VWF: variants seen among roughly 807,000 people sequenced by gnomAD.
The protein encoded by VWF is Factor VIII related antigen.
VWF carries 176 observed loss-of-function variants against 308.6 expected under a neutral mutation model. The observed-to-expected ratio is 0.57, with a 90% CI of 0.50 to 0.65. VWF has a LOEUF of 0.65. Among genes scored for constraint, VWF ranks in the 30% least tolerant of loss-of-function variants. The pLI, the probability that VWF is intolerant of heterozygous loss-of-function variation, is 0.00. For synonymous variants in VWF, 1,385 were observed against 1,443.4 expected (o/e 0.96, Z 0.92); for missense variants, 3,146 against 3,648.2 (o/e 0.86, Z 3.55).
At chr12:6,056,822 CG>C in intron 15 of VWF, 34 bp downstream of exon 15, 7 of 1,345,814 alleles carry the variant, frequency 5.2e-6, no homozygotes, top group Non-Finnish European at 6.6e-6. Context: ...ATTTGGGGGG[CG>C]GCCCGGAGGG....
chr12:5,969,112 C>T (rs1943438964), intron 45 of VWF, 99 bp downstream of exon 45: 1 of 1,403,446 alleles, frequency 7.1e-7, no homozygotes, highest in Non-Finnish European at 9.8e-7. Flanking sequence ...ATCCATTTCC[C>T]TAAGTTGCTA....
intron 3 of VWF, among the ~76,000 whole-genome samples, chr12:6,115,704 C>T (rs1945356278): frequency 6.6e-6 from 1 of 152,226 alleles, no homozygotes; most frequent in South Asian, 2.1e-4. Flanking sequence ...GATTTCTCCA[C>T]TGCATTACTA....
At chr12:5,978,144 T>C (rs2136365862) in intron 42 of VWF, among the ~76,000 whole-genome samples, 1 of 148,892 alleles carries the variant, frequency 6.7e-6, no homozygotes, top group Non-Finnish European at 1.5e-5. Flanking sequence ...TTATATGATA[T>C]ATTACATCAT....
intron 6 of VWF, among the ~76,000 whole-genome samples, chr12:6,090,862 A>C (rs1945026743): frequency 6.6e-6 from 1 of 152,194 alleles, no homozygotes; most frequent in African/African-American, 2.4e-5. Flanking sequence ...GCTCACGCCG[A>C]GGCCCAGGGT....
At chr12:6,010,216 T>C (rs1943978200) in intron 34 of VWF, among the ~76,000 whole-genome samples, 1 of 152,126 alleles carries the variant, frequency 6.6e-6, no homozygotes, top group Non-Finnish European at 1.5e-5. Context: ...ATTAAACATA[T>C]GATAAAATGT....
intron 18 of VWF, among the ~76,000 whole-genome samples, chr12:6,037,728 C>T (rs984427019): frequency 6.6e-6 from 1 of 152,170 alleles, no homozygotes; most frequent in Admixed American, 6.5e-5. Flanking sequence ...GAGCTCCCTG[C>T]AGGGCGAGAA....
chr12:5,985,057 C>T lies in VWF; in HGVS notation c.6964G>A (p.Glu2322Lys), dbSNP rs1943661886. The T allele has an allele frequency of 6.2e-6, 10 of 1,614,064 alleles. No homozygotes were observed. Among genetic ancestry groups the T allele is most frequent in the East Asian group, 2.2e-5 (1 of 44,890 alleles). Residue 2322 changes from glutamate to lysine, a missense_variant, in exon 40 of 52, where the codon GAG (glutamate) becomes AAG (lysine). This residue lies in a region of VWF where 989 missense variants were observed against 1,117.4 expected (regional missense o/e 0.89). Transcript: ENST00000261405. ...GTGGGACACATACCACACTCATACTCGGGGCAGCACTGGTCTGCATTCTGG... is the reference window on the plus strand; with the variant it reads ...GTGGGACACATACCACACTCATACTTGGGGCAGCACTGGTCTGCATTCTGG... The part of the protein sequence containing the change: ...LRQNADQCCP[E>K]YECVCDPVSC...
chr12:6,021,191 A>G (rs1007905957), intron 27 of VWF: 4 of 152,658 alleles, frequency 2.6e-5, no homozygotes, highest in African/African-American at 7.2e-5. Context: ...AGCTGTGACC[A>G]TAGCCCCTCC....
chr12:5,955,525 T>C (rs1943238567), intron 47 of VWF, among the ~76,000 whole-genome samples: 1 of 152,332 alleles, frequency 6.6e-6, no homozygotes. Flanking sequence ...GTTTCATCCA[T>C]GTCCCTACAA....
chr12:6,103,944 G>T (rs1266713512), intron 5 of VWF, among the ~76,000 whole-genome samples: 1 of 152,140 alleles, frequency 6.6e-6, no homozygotes, highest in African/African-American at 2.4e-5. Flanking sequence ...AAAATCTTCT[G>T]CACAGCAAAA....
At chr12:5,949,507 G>C (rs1300942383) in intron 51 of VWF, among the ~76,000 whole-genome samples, 2 of 152,078 alleles carry the variant, frequency 1.3e-5, no homozygotes, top group African/African-American at 4.8e-5. Flanking sequence ...ATATATGTTT[G>C]ACTGATCTTC....
intron 47 of VWF, among the ~76,000 whole-genome samples, chr12:5,962,287 T>C (rs1565810245): frequency 6.6e-6 from 1 of 152,146 alleles, no homozygotes. Flanking sequence ...ATAGATTCAA[T>C]ATAATCCGGC....
At position 5,985,060 on chromosome 12, in the gene VWF, G is replaced by A. The variant is rs543900335; in HGVS notation, c.6961C>T (p.Pro2321Ser). 7.4e-6 allele frequency: 12 copies of A among 1,614,174 alleles called. No homozygotes were observed. In the African/African-American group the frequency reaches 1.3e-4, roughly 18 times the overall value. Residue 2321 changes from proline to serine, a missense_variant, in exon 40 of 52, where the codon CCC (proline) becomes TCC (serine). Pro to Ser is a moderately conservative substitution (Grantham distance 74). Coordinates refer to ENST00000261405, the MANE Select transcript of VWF (RefSeq NM_000552.5). ...GGACACATACCACACTCATACTCGG[G>A]GCAGCACTGGTCTGCATTCTGGCGG... is the stretch of plus-strand genomic sequence containing the variant. Reference protein sequence around the residue: ...RLRQNADQCCPEYECVCDPVS... With the variant: ...RLRQNADQCCSEYECVCDPVS...
intron 37 of VWF, among the ~76,000 whole-genome samples, chr12:5,992,722 T>A (rs1943759288): frequency 6.6e-6 from 1 of 152,212 alleles, no homozygotes. Context: ...TCGTTCTGAT[T>A]CGCTCAACAA....
rs1591892189 is a variant in VWF at position 6,060,089 on chromosome 12, G to C, written c.1534-2045C>G. The stretch of plus-strand genomic sequence containing the variant: ...CTTGGCTTGTCTCGGAGGTCAGCTC[G>C]GCCAGGGTTAGGAGAGTGGGGGCGA... On this transcript the variant is annotated intron_variant, in intron 13 of 51. Transcript: ENST00000261405. The surrounding 1 kb of genome is among the most constrained non-coding windows in gnomAD (Gnocchi z 5.1). Among the ~76,000 whole-genome samples, 3 of 151,584 alleles carry C rather than the reference G, an allele frequency of 2.0e-5. No homozygotes were observed. The highest frequency in any genetic ancestry group is 7.3e-5 in the African/African-American group (3 of 41,236).
Position 6,046,681 on chromosome 12 carries a change from G to T in VWF, c.2281+42C>A. ...GCCATTCCACACGTGAGGAATCTGG[G>T]CAGGATGGAGTCAATGGGCCTTCCA... On this transcript the variant is annotated intron_variant, in intron 17 of 51. Coordinates refer to ENST00000261405, the MANE Select transcript of VWF (RefSeq NM_000552.5). This position sits in a 1 kb window ranked among gnomAD's most constrained non-coding sequence, Gnocchi z 5.0. 6.3e-7 allele frequency: 1 copy of T among 1,575,498 alleles called. No individual in the cohort carries two copies. The highest frequency in any genetic ancestry group is 8.7e-7 in the Non-Finnish European group (1 of 1,145,050).
At chr12:6,072,206 A>T (rs1944789200) in intron 9 of VWF, 125 bp downstream of exon 9, 1 of 833,588 alleles carries the variant, frequency 1.2e-6, no homozygotes, top group Admixed American at 2.0e-5. Context: ...GTAGCCTCCA[A>T]CTCAGTCTCT....
At chr12:6,023,830 T>A in intron 24 of VWF, 43 bp from the exon 25 acceptor site, 1 of 1,605,438 alleles carries the variant, frequency 6.2e-7, no homozygotes, top group African/African-American at 1.3e-5. Flanking sequence ...TGGCCAGGTG[T>A]CAGGAACTCT....
chr12:5,973,678 T>A (rs1943502981), intron 43 of VWF, among the ~76,000 whole-genome samples: 1 of 152,216 alleles, frequency 6.6e-6, no homozygotes, highest in African/African-American at 2.4e-5. Context: ...GGTGGCCCTG[T>A]TTCCTGTCTG....
Sources: allele counts gnomAD v4.1 joint callset (sites outside exome capture counted in the v4.1 genomes callset), GRCh38; gene constraint gnomAD v4.1.1; regional missense constraint gnomAD v4.1.1; non-coding constraint Gnocchi (gnomAD v3.1); transcripts MANE v1.5; gene names NCBI Gene and HGNC (gene_info 2026-07-23, HGNC 2026-07-21).